The following CCDC102B variants were observed in gnomAD, a reference collection of about 807,000 sequenced individuals.
The protein encoded by CCDC102B is coiled-coil domain containing 102B.
A neutral mutation model predicts 57.4 loss-of-function variants in CCDC102B; 75 were observed. That is an observed-to-expected ratio of 1.31 (90% CI 1.08 to 1.58). The LOEUF (loss-of-function observed/expected upper bound fraction) is 1.58, where lower values mean the gene tolerates loss of function less well. Ranked by LOEUF, CCDC102B falls within the 40% of genes most tolerant of loss-of-function variation. The pLI is 0.00. For synonymous variants in CCDC102B, 206 were observed against 201.9 expected (o/e 1.02, Z -0.17); for missense variants, 636 against 582.6 (o/e 1.09, Z -0.94).
At chr18:68,844,249 T>G (rs986676703) in intron 3 of CCDC102B, among the ~76,000 whole-genome samples, 4 of 152,002 alleles carry the variant, frequency 2.6e-5, no homozygotes, top group African/African-American at 7.2e-5. Context: ...TTTCTCAACA[T>G]GTATGATTTT....
chr18:68,758,892 TACA>T (rs1445411976), intron 2 of CCDC102B, among the ~76,000 whole-genome samples: 3 of 142,826 alleles, frequency 2.1e-5, no homozygotes, highest in Non-Finnish European at 4.6e-5. Context: ...CAAATAAAAA[TACA>T]ACAACTTAAA....
At chr18:68,973,498 C>T (rs567174829) in intron 6 of CCDC102B, among the ~76,000 whole-genome samples, 1 of 152,130 alleles carries the variant, frequency 6.6e-6, no homozygotes, top group East Asian at 1.9e-4. Context: ...ATAATAAATA[C>T]GTAGCTTAGC....
At chr18:68,962,471 G>A (rs1433424483) in intron 6 of CCDC102B, among the ~76,000 whole-genome samples, 1 of 151,778 alleles carries the variant, frequency 6.6e-6, no homozygotes, top group East Asian at 1.9e-4. Context: ...TATTATTATT[G>A]TACCATGATT....
chr18:68,748,745 G>A (rs1422014517), intron 2 of CCDC102B, among the ~76,000 whole-genome samples: 1 of 152,112 alleles, frequency 6.6e-6, no homozygotes, highest in Non-Finnish European at 1.5e-5. Context: ...TCTGTTTTCT[G>A]CAATGGAACT....
chr18:69,025,645 G>C (rs893023153), intron 7 of CCDC102B, among the ~76,000 whole-genome samples: 3 of 151,986 alleles, frequency 2.0e-5, no homozygotes, highest in African/African-American at 7.2e-5. Context: ...TTTTTTTGTT[G>C]TTGTTGTTTC....
chr18:68,722,162 G>C (rs748390202), intron 2 of CCDC102B, among the ~76,000 whole-genome samples: 1 of 152,140 alleles, frequency 6.6e-6, no homozygotes, highest in South Asian at 2.1e-4. Context: ...TGTTGAGGGA[G>C]GGGAATGTTT....
chr18:69,046,949 G>T (rs2052583110), intron 7 of CCDC102B, among the ~76,000 whole-genome samples: 1 of 152,018 alleles, frequency 6.6e-6, no homozygotes, highest in South Asian at 2.1e-4. Flanking sequence ...TGTTTCATTG[G>T]TCTATGTGTC....
intron 2 of CCDC102B, among the ~76,000 whole-genome samples, chr18:68,772,909 A>T (rs1279973657): frequency 6.6e-6 from 1 of 152,094 alleles, no homozygotes; most frequent in Non-Finnish European, 1.5e-5. Flanking sequence ...GAAAACTATG[A>T]GAAGAGAGAG....
chr18:68,925,173 G>T (rs1014137644), intron 6 of CCDC102B, among the ~76,000 whole-genome samples: 1 of 152,054 alleles, frequency 6.6e-6, no homozygotes, highest in Non-Finnish European at 1.5e-5. Flanking sequence ...CTGACAAAAT[G>T]TATTACAAAA....
chr18:69,010,603 C>A (rs2051488003), intron 6 of CCDC102B, among the ~76,000 whole-genome samples: 1 of 152,128 alleles, frequency 6.6e-6, no homozygotes, highest in Non-Finnish European at 1.5e-5. Flanking sequence ...GGATGAACAG[C>A]TCTTTTTGCA....
chr18:69,009,068 A>AT (rs1160225563), intron 6 of CCDC102B, among the ~76,000 whole-genome samples: 2 of 152,190 alleles, frequency 1.3e-5, no homozygotes, highest in African/African-American at 4.8e-5. Flanking sequence ...TGTGAAATAA[A>AT]TTCCTGGAAA....
intron 4 of CCDC102B, among the ~76,000 whole-genome samples, chr18:68,852,610 A>G (rs193256053): frequency 5.3e-5 from 8 of 151,654 alleles, no homozygotes; most frequent in Admixed American, 3.3e-4. Flanking sequence ...AACTCATAGA[A>G]TTTTTTTTTC....
intron 6 of CCDC102B, among the ~76,000 whole-genome samples, chr18:69,000,647 C>G (rs563317854): frequency 1.3e-5 from 2 of 152,136 alleles, no homozygotes; most frequent in South Asian, 4.1e-4. Context: ...ATTGTTATAA[C>G]AGAGTAAGTC....
At chr18:69,003,737 T>G (rs1429389100) in intron 6 of CCDC102B, among the ~76,000 whole-genome samples, 1 of 152,230 alleles carries the variant, frequency 6.6e-6, no homozygotes, top group African/African-American at 2.4e-5. Flanking sequence ...TTTGTGAAGT[T>G]GCTTTTATAT....
rs190945801 is a variant in CCDC102B at position 68,826,501 on chromosome 18, C to T, written c.-15-10248C>T. ...TCTTTCATAACCTGATTTCAGAAGTCGCATCTTACCACTTTTATAACATAT... is the reference window on the plus strand; with the variant it reads ...TCTTTCATAACCTGATTTCAGAAGTTGCATCTTACCACTTTTATAACATAT... On this transcript the variant is annotated intron_variant, in intron 1 of 7. Coordinates refer to ENST00000360242, the MANE Select transcript of CCDC102B (RefSeq NM_024781.3). Among the ~76,000 whole-genome samples the T allele has an allele frequency of 1.2e-4, 19 of 152,192 alleles. No individual in the cohort carries two copies. The East Asian group carries it at 2.1e-3, about 17-fold the overall frequency.
At chr18:68,828,619 C>T (rs183304249) in intron 1 of CCDC102B, among the ~76,000 whole-genome samples, 1 of 151,604 alleles carries the variant, frequency 6.6e-6, no homozygotes, top group East Asian at 1.9e-4. Flanking sequence ...TAAATTCTTA[C>T]ATTAGAAGTA....
chr18:69,012,230 C>T (rs942644531), intron 7 of CCDC102B, among the ~76,000 whole-genome samples: 2 of 152,060 alleles, frequency 1.3e-5, no homozygotes, highest in African/African-American at 4.8e-5. Flanking sequence ...TTATTTTAGT[C>T]ATTATTTTGT....
At chr18:68,961,493 C>G (rs927901715) in intron 6 of CCDC102B, among the ~76,000 whole-genome samples, 3 of 151,676 alleles carry the variant, frequency 2.0e-5, no homozygotes, top group Non-Finnish European at 2.9e-5. Context: ...TATAATAATA[C>G]TTTTATAAAT....
intron 6 of CCDC102B, among the ~76,000 whole-genome samples, chr18:68,926,122 A>G (rs1331761291): frequency 6.6e-6 from 1 of 152,002 alleles, no homozygotes; most frequent in Non-Finnish European, 1.5e-5. Flanking sequence ...TAGGAAAGTT[A>G]ATGGAATATT....
Sources: gnomAD v4.1 joint callset for allele counts (sites outside exome capture counted in the v4.1 genomes callset) on GRCh38, gnomAD v4.1.1 for gene constraint, MANE v1.5 for transcripts, NCBI Gene and HGNC (gene_info 2026-07-23, HGNC 2026-07-21) for gene names.